The following PKIB variants were observed in gnomAD, a reference collection of about 807,000 sequenced individuals.
The protein encoded by PKIB is PKI-beta.
Under a neutral mutation model 4.5 loss-of-function variants are expected in PKIB, and 2 were observed. The observed-to-expected ratio is 0.44, with a 90% CI of 0.18 to 1.39. PKIB has a LOEUF of 1.39. PKIB is among the 40% of genes most tolerant of loss of function. The pLI, the probability that PKIB is intolerant of heterozygous loss-of-function variation, is 0.27. For synonymous variants in PKIB, 38 were observed against 36.0 expected, an observed-to-expected ratio of 1.06 and a Z score of -0.20; for missense variants, 94 against 92.6, an observed-to-expected ratio of 1.02 and a Z score of -0.06.
chr6:122,565,746 T>C (rs1235549694), intron 2 of PKIB, among the ~76,000 whole-genome samples: 1 of 152,206 alleles, frequency 6.6e-6, no homozygotes, highest in Non-Finnish European at 1.5e-5. Flanking sequence ...ACAACAACTG[T>C]CTTCCATATT....
At chr6:122,535,805 A>C (rs1010100559) in intron 2 of PKIB, among the ~76,000 whole-genome samples, 1 of 152,202 alleles carries the variant, frequency 6.6e-6, no homozygotes, top group African/African-American at 2.4e-5. Flanking sequence ...AAGAATCATG[A>C]CATCAGTCGG....
At chr6:122,681,955 C>T (rs1387591915) in intron 3 of PKIB, among the ~76,000 whole-genome samples, 2 of 152,194 alleles carry the variant, frequency 1.3e-5, no homozygotes, top group Non-Finnish European at 2.9e-5. Flanking sequence ...CGTTCCAGAA[C>T]TCAGGACTGA....
chr6:122,696,527 A>C (rs4639369), intron 3 of PKIB, among the ~76,000 whole-genome samples: 150,536 of 152,264 alleles, frequency 0.99, 74,434 homozygotes, highest in East Asian at 1. Context: ...ATGTTCTTCG[A>C]CCCTAGAAAG....
intron 3 of PKIB, among the ~76,000 whole-genome samples, chr6:122,700,251 C>CTTTT (rs34063696): frequency 4.2e-5 from 4 of 94,328 alleles, no homozygotes; most frequent in African/African-American, 1.6e-4. Flanking sequence ...TCTTTTCTTT[C>CTTTT]TTTTTTTTTT....
chr6:122,567,818 G>A (rs374998275), intron 2 of PKIB, among the ~76,000 whole-genome samples: 15 of 152,136 alleles, frequency 9.9e-5, no homozygotes, highest in African/African-American at 3.4e-4. Flanking sequence ...ATAATAAAGC[G>A]AAATTCAGAA....
chr6:122,720,434 A>G (rs1289579506), intron 4 of PKIB, among the ~76,000 whole-genome samples: 1 of 152,176 alleles, frequency 6.6e-6, no homozygotes, highest in Non-Finnish European at 1.5e-5. Context: ...AGGCAGAATC[A>G]ATAGGACTTG....
At chr6:122,715,186 A>G (rs1725583028) in intron 3 of PKIB, among the ~76,000 whole-genome samples, 1 of 152,046 alleles carries the variant, frequency 6.6e-6, no homozygotes, top group Admixed American at 6.5e-5. Context: ...AAGTTTACCT[A>G]TTTTATTTTA....
intron 2 of PKIB, among the ~76,000 whole-genome samples, chr6:122,574,907 T>G (rs1420652065): frequency 6.6e-6 from 1 of 152,138 alleles, no homozygotes; most frequent in African/African-American, 2.4e-5. Flanking sequence ...TGTGACCTAC[T>G]TAAACTAAAA....
At position 122,472,985 on chromosome 6, in the gene PKIB, G is replaced by A. The variant is rs539135546; in HGVS notation, c.-337+944G>A. Among the ~76,000 whole-genome samples, 21 of 152,080 alleles carry A rather than the reference G, an allele frequency of 1.4e-4. No individual in the cohort carries two copies. The East Asian group carries it at 3.1e-3, about 22-fold the overall frequency. On this transcript the variant is annotated intron_variant, in intron 1 of 6. Coordinates refer to the PKIB transcript ENST00000392491. Reference sequence around the variant, plus strand: ...AAATTAGCCGGGCATGGTGGCACGCGCATGTAATCCCAGCTACTCGGGAGG... The same window carrying A: ...AAATTAGCCGGGCATGGTGGCACGCACATGTAATCCCAGCTACTCGGGAGG...
chr6:122,595,402 G>C (rs187427553), intron 3 of PKIB, among the ~76,000 whole-genome samples: 3 of 152,134 alleles, frequency 2.0e-5, no homozygotes, highest in Non-Finnish European at 4.4e-5. Flanking sequence ...ATCCACTGCC[G>C]CACTTCTTTA....
chr6:122,683,428 A>G (rs1777976943), intron 3 of PKIB, among the ~76,000 whole-genome samples: 1 of 152,112 alleles, frequency 6.6e-6, no homozygotes, highest in African/African-American at 2.4e-5. Context: ...CACTATTAGG[A>G]AGAGAGTACC....
chr6:122,698,972 T>C (rs1778687961), intron 3 of PKIB, among the ~76,000 whole-genome samples: 1 of 152,174 alleles, frequency 6.6e-6, no homozygotes, highest in Non-Finnish European at 1.5e-5. Flanking sequence ...CCACCCTTTT[T>C]GTGTGAGTTC....
At chr6:122,537,433 T>TGC (rs1777442141) in intron 2 of PKIB, among the ~76,000 whole-genome samples, 1 of 152,160 alleles carries the variant, frequency 6.6e-6, no homozygotes, top group East Asian at 1.9e-4. Flanking sequence ...GAGAACATTT[T>TGC]GGTTTTTTGT....
At chr6:122,654,703 A>G (rs975754791) in intron 2 of PKIB, among the ~76,000 whole-genome samples, 1 of 152,174 alleles carries the variant, frequency 6.6e-6, no homozygotes, top group Non-Finnish European at 1.5e-5. Context: ...CCCAGTCATC[A>G]GTTGTTATAT....
At chr6:122,586,200 C>G (rs1453818319) in intron 3 of PKIB, 1 of 152,082 alleles carries the variant, frequency 6.6e-6, no homozygotes, top group African/African-American at 2.4e-5. Flanking sequence ...TGTGGGTAGA[C>G]ACTGTCTAAA....
At chr6:122,496,920 A>T (rs1376805096) in intron 2 of PKIB, among the ~76,000 whole-genome samples, 1 of 152,218 alleles carries the variant, frequency 6.6e-6, no homozygotes, top group Non-Finnish European at 1.5e-5. Flanking sequence ...TAAAGGATAT[A>T]GTCACCAGAC....
Position 122,514,447 on chromosome 6 carries a change from G to A in PKIB, c.-248+36508G>A, listed in dbSNP as rs1291136278. On this transcript the variant is annotated intron_variant, in intron 2 of 6. Coordinates refer to the PKIB transcript ENST00000392491. ...TCATACTGATAAAGTTTAGAGAAAC[G>A]TGAGTTCACAAAAATATTTGAAAAG... Among the ~76,000 whole-genome samples the A allele has an allele frequency of 2.0e-5, 3 of 152,162 alleles. 1 individual carries two copies. The highest frequency in any genetic ancestry group is 2.9e-5 in the Non-Finnish European group (2 of 68,028).
chr6:122,579,880 G>C (rs182988967), intron 2 of PKIB, among the ~76,000 whole-genome samples: 47 of 152,268 alleles, frequency 3.1e-4, no homozygotes, highest in African/African-American at 1.0e-3. Context: ...ATTAAACACA[G>C]CTGGTTTCTT....
chr6:122,582,351 T>C (rs558410813), intron 2 of PKIB, among the ~76,000 whole-genome samples: 5 of 152,160 alleles, frequency 3.3e-5, no homozygotes, highest in Non-Finnish European at 7.4e-5. Flanking sequence ...GATAAGGAGA[T>C]GTGGCTACTG....
Sources: gnomAD v4.1 joint callset for allele counts (sites outside exome capture counted in the v4.1 genomes callset) on GRCh38, gnomAD v4.1.1 for gene constraint, MANE v1.5 for transcripts, NCBI Gene and HGNC (gene_info 2026-07-23, HGNC 2026-07-21) for gene names.